Variants in HDAC9 observed in about 807,000 individuals in gnomAD.
HDAC9 encodes the protein MEF-2 interacting transcription repressor (MITR) protein.
A neutral mutation model predicts 139.4 loss-of-function variants in HDAC9; 41 were observed. That is an observed-to-expected ratio of 0.29 (90% CI 0.23 to 0.38). The LOEUF is 0.38. HDAC9 is among the 10% of genes least tolerant of loss of function. HDAC9 has a pLI of 1.00. For synonymous variants in HDAC9, 517 were observed against 476.2 expected (o/e 1.09, Z -1.12); for missense variants, 1,147 against 1,297.0 (o/e 0.88, Z 1.78).
In HDAC9 at chr7:18,742,122, T is replaced by A. The variant is rs145753488; in HGVS notation, c.1910-6883T>A. Among the ~76,000 whole-genome samples the A allele has an allele frequency of 4.1e-3, 628 of 152,342 alleles. 4 individuals carry two copies. The highest frequency in any genetic ancestry group is 0.014 in the African/African-American group (597 of 41,580). Reference sequence around the variant, plus strand: ...TAGTTGATAAAGCAGCAGCAGAGTTTGACAGGATTACCTCCAGTTTTGAAA... The same window carrying A: ...TAGTTGATAAAGCAGCAGCAGAGTTAGACAGGATTACCTCCAGTTTTGAAA... On this transcript the variant is annotated intron_variant, in intron 13 of 25. Coordinates refer to ENST00000686413, the MANE Select transcript of HDAC9 (RefSeq NM_178425.4).
intron 17 of HDAC9, among the ~76,000 whole-genome samples, chr7:18,817,348 A>G (rs558267812): frequency 2.0e-5 from 3 of 152,252 alleles, no homozygotes; most frequent in Non-Finnish European, 2.9e-5. Context: ...AGTATTATTT[A>G]TATTGTAAGG....
intron 21 of HDAC9, among the ~76,000 whole-genome samples, chr7:18,872,906 G>C (rs1585196454): frequency 6.6e-6 from 1 of 152,216 alleles, no homozygotes; most frequent in African/African-American, 2.4e-5. Context: ...AGACAATCTG[G>C]TTCAATCATC....
At chr7:18,272,956 C>G (rs1232360203) in intron 2 of HDAC9, among the ~76,000 whole-genome samples, 1 of 144,786 alleles carries the variant, frequency 6.9e-6, no homozygotes, top group African/African-American at 2.6e-5. Flanking sequence ...ACTACTACTA[C>G]TACTACTACT....
chr7:18,157,631 T>C (rs1361317136), intron 1 of HDAC9, among the ~76,000 whole-genome samples: 1 of 152,212 alleles, frequency 6.6e-6, no homozygotes, highest in Non-Finnish European at 1.5e-5. Flanking sequence ...TGACTGTCTA[T>C]GGTAAAAGCA....
At chr7:18,388,705 C>G (rs547356799) in intron 1 of HDAC9, among the ~76,000 whole-genome samples, 2 of 152,260 alleles carry the variant, frequency 1.3e-5, no homozygotes, top group Non-Finnish European at 2.9e-5. Context: ...ACCTTGAGTC[C>G]ATCTGAAACA....
At chr7:18,801,518 C>T (rs904046841) in intron 17 of HDAC9, among the ~76,000 whole-genome samples, 3 of 151,978 alleles carry the variant, frequency 2.0e-5, no homozygotes, top group Non-Finnish European at 4.4e-5. Flanking sequence ...GGAATTTTTG[C>T]ATATAAGTTA....
chr7:18,366,835 G>A (rs1353477503), intron 1 of HDAC9, among the ~76,000 whole-genome samples: 4 of 151,984 alleles, frequency 2.6e-5, no homozygotes, highest in African/African-American at 9.7e-5. Context: ...TTTATGTAAA[G>A]TGATGCGTTT....
intron 3 of HDAC9, among the ~76,000 whole-genome samples, chr7:18,589,663 G>C (rs1028677736): frequency 1.3e-5 from 2 of 152,300 alleles, no homozygotes; most frequent in African/African-American, 4.8e-5. Context: ...TGTGGAAGTG[G>C]TTTCTTCTTG....
At chr7:18,551,873 A>G (rs1036366770) in intron 2 of HDAC9, among the ~76,000 whole-genome samples, 6 of 152,212 alleles carry the variant, frequency 3.9e-5, no homozygotes, top group African/African-American at 1.2e-4. Context: ...GGTAACCACT[A>G]CACTTATTCT....
At chr7:18,718,879 C>T (rs1784915571) in intron 12 of HDAC9, among the ~76,000 whole-genome samples, 3 of 152,176 alleles carry the variant, frequency 2.0e-5, no homozygotes, top group Admixed American at 1.3e-4. Context: ...TCATTTTACA[C>T]CCCCACCAGC....
In HDAC9 at chr7:18,247,685, A is replaced by C. The variant is rs539609264; in HGVS notation, c.25+85336A>C. Among the ~76,000 whole-genome samples, 143 of 152,330 alleles carry C rather than the reference A, an allele frequency of 9.4e-4. 1 individual carries two copies. Among genetic ancestry groups the C allele is most frequent in the Admixed American group, 4.1e-3 (62 of 15,306 alleles). On this transcript the variant is annotated intron_variant, in intron 2 of 12. Transcript: ENST00000417496. The stretch of plus-strand genomic sequence containing the variant: ...CTTAATTATTCTAACAAATAATTAT[A>C]GTTAATTCTGGTGAGTGATGCATTT...
chr7:18,727,876 C>T, intron 13 of HDAC9, 119 bp downstream of exon 13: 1 of 756,124 alleles, frequency 1.3e-6, no homozygotes, highest in Non-Finnish European at 1.9e-6. Flanking sequence ...TAACCCAGTG[C>T]AACCCAAATT....
intron 1 of HDAC9, among the ~76,000 whole-genome samples, chr7:18,127,928 C>T (rs1352116563): frequency 1.3e-5 from 2 of 151,968 alleles, no homozygotes. Context: ...TTATAAAATA[C>T]TTTTCAAAGA....
At chr7:18,975,490 A>G (rs1299408816) in intron 24 of HDAC9, among the ~76,000 whole-genome samples, 1 of 152,198 alleles carries the variant, frequency 6.6e-6, no homozygotes, top group Admixed American at 6.5e-5. Flanking sequence ...AGGGAGCGTG[A>G]AGCCCGGAGT....
At chr7:18,635,103 C>G (rs911123593) in intron 8 of HDAC9, among the ~76,000 whole-genome samples, 2 of 151,784 alleles carry the variant, frequency 1.3e-5, no homozygotes, top group African/African-American at 4.8e-5. Flanking sequence ...GTCAAACATT[C>G]TTAGTGATCC....
chr7:18,242,935 A>G (rs1359037576), intron 2 of HDAC9, among the ~76,000 whole-genome samples: 1 of 152,234 alleles, frequency 6.6e-6, no homozygotes, highest in Non-Finnish European at 1.5e-5. Context: ...TAGGTGCATA[A>G]ACTAGCACAA....
intron 1 of HDAC9, chr7:18,429,124 G>A (rs1790399119): frequency 6.6e-6 from 1 of 152,090 alleles, no homozygotes; most frequent in Non-Finnish European, 1.5e-5. Flanking sequence ...TTGTTGTTTT[G>A]TTACTTGCAA....
At chr7:18,913,038 G>T (rs1802875716) in intron 22 of HDAC9, among the ~76,000 whole-genome samples, 1 of 152,068 alleles carries the variant, frequency 6.6e-6, no homozygotes, top group East Asian at 1.9e-4. Flanking sequence ...CATACAAATG[G>T]ATATTTTCTC....
Position 18,458,928 on chromosome 7 carries a change from T to C in HDAC9, c.-41-37334T>C, listed in dbSNP as rs368856519. On this transcript the variant is annotated intron_variant, in intron 1 of 3. Coordinates refer to the HDAC9 transcript ENST00000413509. ...TAGAACCAGACCTTATCCTTTTTCT[T>C]TGGTTTCTTGGGAGTAGAGCTGAAC... The C allele has an allele frequency of 1.3e-5, 19 of 1,493,320 alleles. No homozygotes were observed. In the African/African-American group the frequency reaches 1.9e-4, roughly 15 times the overall value. 92.5% of individuals were successfully genotyped at this position (1,493,320 alleles called of 1,614,324 possible). A position where few individuals can be genotyped will look rare whatever the true frequency, so the allele number is the denominator to read the frequency against.
Sources: allele counts gnomAD v4.1 joint callset (sites outside exome capture counted in the v4.1 genomes callset), GRCh38; gene constraint gnomAD v4.1.1; transcripts MANE v1.5; gene names NCBI Gene and HGNC (gene_info 2026-07-23, HGNC 2026-07-21).